The following PCDHA6 variants were observed in gnomAD, a reference collection of about 807,000 sequenced individuals.
PCDHA6 encodes protocadherin alpha 6.
A neutral mutation model predicts 60.3 loss-of-function variants in PCDHA6; 55 were observed. The ratio of observed to expected loss-of-function variants is 0.91; its 90% CI spans 0.73 to 1.14. PCDHA6 has a LOEUF of 1.14. Ranked by LOEUF, PCDHA6 falls within the 50% of genes most tolerant of loss-of-function variation. The probability of loss-of-function intolerance (pLI) is 0.00; values close to 1 mark genes in which losing one functional copy is unlikely to be tolerated. For synonymous variants in PCDHA6, 652 were observed against 557.9 expected, an observed-to-expected ratio of 1.17 and a Z score of -2.38; for missense variants, 1,327 against 1,256.5, an observed-to-expected ratio of 1.06 and a Z score of -0.85.
intron 1 of PCDHA6, chr5:140,876,448 G>C (rs2056350590): frequency 1.2e-6 from 2 of 1,614,008 alleles, no homozygotes; most frequent in East Asian, 4.5e-5. Flanking sequence ...CATTGATAAA[G>C]GGATTCCTTC....
chr5:140,851,143 A>T, intron 1 of PCDHA6: 1 of 1,310,128 alleles, frequency 7.6e-7, no homozygotes, highest in Non-Finnish European at 9.9e-7. Flanking sequence ...TTAAAGTGAC[A>T]TTGAATTTCT....
At chr5:140,894,365 A>G (rs1375287003) in intron 1 of PCDHA6, among the ~76,000 whole-genome samples, 4 of 151,966 alleles carry the variant, frequency 2.6e-5, no homozygotes, top group African/African-American at 7.2e-5. Context: ...TTCTTCTTCA[A>G]TGGCTCCAAT....
chr5:140,843,344 G>C lies in PCDHA6; in HGVS notation c.2394+12859G>C, dbSNP rs201264675. ...GGTGTCGCTGGTGGAGAGCGGCCAGGCTCCAAAAGCGTCATCGAGGCAGTC... is the reference window on the plus strand; with the variant it reads ...GGTGTCGCTGGTGGAGAGCGGCCAGCCTCCAAAAGCGTCATCGAGGCAGTC... On this transcript the variant is annotated intron_variant, in intron 1 of 3. Transcript: ENST00000529310. The C allele has an allele frequency of 3.6e-5, 58 of 1,595,962 alleles. 5 individuals carry two copies. Among genetic ancestry groups the C allele is most frequent in the Non-Finnish European group, 4.3e-5 (50 of 1,165,608 alleles).
chr5:140,921,017 T>C (rs2153559418), intron 1 of PCDHA6, among the ~76,000 whole-genome samples: 1 of 152,192 alleles, frequency 6.6e-6, no homozygotes, highest in African/African-American at 2.4e-5. Context: ...TCTTGCTATG[T>C]TTTCTAGACT....
intron 1 of PCDHA6, chr5:140,927,149 T>C: frequency 1.2e-6 from 2 of 1,614,168 alleles, no homozygotes; most frequent in Non-Finnish European, 1.7e-6. Context: ...CGCGAACAGC[T>C]GTGCAGGGCC....
intron 1 of PCDHA6, chr5:140,851,226 A>G (rs2041995732): frequency 3.5e-6 from 4 of 1,139,724 alleles, no homozygotes; most frequent in Non-Finnish European, 4.5e-6. Context: ...CATCACTATC[A>G]TTTATTTATT....
chr5:140,836,991 C>G (rs1167342792), intron 1 of PCDHA6: 5 of 347,512 alleles, frequency 1.4e-5, no homozygotes, highest in African/African-American at 8.6e-5. Context: ...GAGGACTTTG[C>G]TAACTGGAGC....
At chr5:140,906,278 C>A (rs546102354) in intron 1 of PCDHA6, among the ~76,000 whole-genome samples, 1 of 152,152 alleles carries the variant, frequency 6.6e-6, no homozygotes, top group Admixed American at 6.6e-5. Flanking sequence ...AGATAATCTT[C>A]AAATTAAGAC....
chr5:140,943,617 T>A (rs2093532711), intron 1 of PCDHA6, among the ~76,000 whole-genome samples: 1 of 152,208 alleles, frequency 6.6e-6, no homozygotes, highest in Non-Finnish European at 1.5e-5. Context: ...TTGATTCATC[T>A]GCATAAGGAA....
intron 1 of PCDHA6, chr5:140,876,368 C>T (rs564115297): frequency 3.7e-5 from 59 of 1,613,904 alleles, no homozygotes; most frequent in Non-Finnish European, 4.9e-5. Context: ...AATCCAGACA[C>T]AGGTGAAATT....
At chr5:140,871,176 GCT>G in intron 1 of PCDHA6, 6 of 1,613,534 alleles carry the variant, frequency 3.7e-6, no homozygotes, top group Non-Finnish European at 5.1e-6. Context: ...CAGAGGCTGC[GCT>G]GGTGGATGTC....
At chr5:140,902,846 A>G (rs1119032) in intron 1 of PCDHA6, among the ~76,000 whole-genome samples, 22,643 of 152,174 alleles carry the variant, frequency 0.15, 1,744 homozygotes, top group Middle Eastern at 0.2. Flanking sequence ...CTTCACTTAG[A>G]AAAATGGCGT....
At chr5:140,833,984 G>A (rs1449864732) in intron 1 of PCDHA6, among the ~76,000 whole-genome samples, 2 of 152,118 alleles carry the variant, frequency 1.3e-5, no homozygotes, top group East Asian at 3.8e-4. Flanking sequence ...GTTTTTCTAA[G>A]GCATGAGGAA....
chr5:140,982,963 A>G (rs2097017646), intron 3 of PCDHA6, among the ~76,000 whole-genome samples: 1 of 151,972 alleles, frequency 6.6e-6, no homozygotes, highest in South Asian at 2.1e-4. Context: ...AAACCCACCC[A>G]AAGTAGTAAG....
At chr5:140,842,766 C>A (rs2150343854) in intron 1 of PCDHA6, 6 of 1,594,742 alleles carry the variant, frequency 3.8e-6, no homozygotes, top group Non-Finnish European at 5.1e-6. Context: ...GCGCGAGACG[C>A]GGACGCGCAG....
At chr5:140,981,828 A>C (rs2096952526) in intron 2 of PCDHA6, among the ~76,000 whole-genome samples, 1 of 152,060 alleles carries the variant, frequency 6.6e-6, no homozygotes, top group Non-Finnish European at 1.5e-5. Context: ...GCTTGCCTCT[A>C]AAGGTCTCCC....
intron 1 of PCDHA6, chr5:140,847,603 G>A (rs2150402221): frequency 1.3e-5 from 2 of 149,376 alleles, no homozygotes; most frequent in Non-Finnish European, 3.0e-5. Context: ...AAAACATATT[G>A]TAATAACATT....
intron 1 of PCDHA6, among the ~76,000 whole-genome samples, chr5:140,901,955 G>A (rs2069015305): frequency 6.6e-6 from 1 of 151,848 alleles, no homozygotes; most frequent in Admixed American, 6.6e-5. Flanking sequence ...TTTTATTCGT[G>A]GCTATCGTAA....
chr5:140,861,529 A>G, intron 1 of PCDHA6: 1 of 450,984 alleles, frequency 2.2e-6, no homozygotes, highest in Non-Finnish European at 4.6e-6. Flanking sequence ...AGGATCTCGG[A>G]GTGCAGCATC....
Sources: allele counts gnomAD v4.1 joint callset (sites outside exome capture counted in the v4.1 genomes callset), GRCh38; gene constraint gnomAD v4.1.1; transcripts MANE v1.5; gene names NCBI Gene and HGNC (gene_info 2026-07-23, HGNC 2026-07-21).